SVIL: variants seen among roughly 807,000 people sequenced by gnomAD.
The protein encoded by SVIL is supervillin.
In SVIL, 101 loss-of-function variants were observed where a neutral mutation model predicts 240.4. The ratio of observed to expected loss-of-function variants is 0.42; its 90% CI spans 0.36 to 0.50. The LOEUF (loss-of-function observed/expected upper bound fraction) is 0.50. Among genes scored for constraint, SVIL ranks in the 20% least tolerant of loss-of-function variants. The pLI, the probability that SVIL is intolerant of heterozygous loss-of-function variation, is 0.01. For synonymous variants in SVIL, 999 were observed against 1,100.0 expected, an observed-to-expected ratio of 0.91 and a Z score of 1.82; for missense variants, 2,512 against 2,818.7, an observed-to-expected ratio of 0.89 and a Z score of 2.46.
At chr10:29,509,628 C>T (rs1476719922) in intron 17 of SVIL, among the ~76,000 whole-genome samples, 1 of 152,054 alleles carries the variant, frequency 6.6e-6, no homozygotes, top group Non-Finnish European at 1.5e-5. Flanking sequence ...GCAGGTGGAT[C>T]ACCTGAGGTT....
In SVIL at chr10:29,679,559, C is replaced by CT. The variant is rs369701914; in HGVS notation, c.-301+6993dup. Among the ~76,000 whole-genome samples the CT allele has an allele frequency of 1.0e-3, 147 of 140,790 alleles. 1 individual carries two copies. The highest frequency in any genetic ancestry group is 1.3e-3 in the South Asian group (6 of 4,518). 92.4% of individuals were successfully genotyped at this position (140,790 alleles called of 152,430 possible). On this transcript the variant is annotated intron_variant, in intron 2 of 35. Transcript: ENST00000375400. ...CCACTTTTTTTTCTTTTTTCTTTTC[C>CT]TTTTTTTTTTTTGAGATGGGGGTCC...
At chr10:29,534,628 A>G (rs1397213149) in intron 7 of SVIL, among the ~76,000 whole-genome samples, 1 of 152,212 alleles carries the variant, frequency 6.6e-6, no homozygotes, top group African/African-American at 2.4e-5. Context: ...TTACTGCAAA[A>G]CAAAGAAACC....
chr10:29,557,356 C>T (rs1426675806), intron 3 of SVIL, among the ~76,000 whole-genome samples: 1 of 152,074 alleles, frequency 6.6e-6, no homozygotes, highest in East Asian at 1.9e-4. Context: ...CCTTGGCCTC[C>T]CAAAGTGCTG....
chr10:29,619,955 A>G (rs773798454), intron 1 of SVIL, among the ~76,000 whole-genome samples: 4 of 152,220 alleles, frequency 2.6e-5, no homozygotes, highest in Non-Finnish European at 5.9e-5. Context: ...CACAAAGATA[A>G]CAGAGAAGAA....
intron 16 of SVIL, among the ~76,000 whole-genome samples, chr10:29,517,175 G>T (rs1298577135): frequency 6.6e-6 from 1 of 152,128 alleles, no homozygotes; most frequent in Non-Finnish European, 1.5e-5. Context: ...ACTTTGGAAG[G>T]CTGAGGTGGG....
chr10:29,553,516 G>A (rs1028504230), intron 5 of SVIL, among the ~76,000 whole-genome samples: 2 of 152,132 alleles, frequency 1.3e-5, no homozygotes, highest in Non-Finnish European at 2.9e-5. Context: ...GGGAGGTGGA[G>A]GCTGCAGTGA....
At chr10:29,710,283 G>A (rs1020647809) in intron 1 of SVIL, among the ~76,000 whole-genome samples, 2 of 152,098 alleles carry the variant, frequency 1.3e-5, no homozygotes, top group African/African-American at 2.4e-5. Flanking sequence ...CAAACACCTG[G>A]GCTCAATTGA....
chr10:29,529,341 T>C (rs1382413045), intron 12 of SVIL, among the ~76,000 whole-genome samples: 1 of 151,768 alleles, frequency 6.6e-6, no homozygotes, highest in Non-Finnish European at 1.5e-5. Context: ...AAAGGGGAAA[T>C]GAATGGCACA....
intron 1 of SVIL, among the ~76,000 whole-genome samples, chr10:29,612,674 G>T (rs892189953): frequency 9.9e-5 from 15 of 152,160 alleles, no homozygotes; most frequent in Admixed American, 8.5e-4. Flanking sequence ...TTTTCTAAGA[G>T]ATTTATGTTA....
chr10:29,731,483 T>C (rs1220216548), intron 1 of SVIL, among the ~76,000 whole-genome samples: 1 of 152,236 alleles, frequency 6.6e-6, no homozygotes, highest in East Asian at 1.9e-4. Context: ...TTTTATGCAT[T>C]TCATGCAATA....
At chr10:29,700,380 A>G (rs1461314590) in intron 1 of SVIL, among the ~76,000 whole-genome samples, 1 of 152,078 alleles carries the variant, frequency 6.6e-6, no homozygotes, top group Non-Finnish European at 1.5e-5. Flanking sequence ...TACAGCCTGA[A>G]AATGTCACAC....
chr10:29,697,048 C>G (rs1277256578), intron 1 of SVIL, among the ~76,000 whole-genome samples: 13 of 121,592 alleles, frequency 1.1e-4, no homozygotes, highest in South Asian at 5.6e-4. Flanking sequence ...CCAGCCGCCC[C>G]GTCCGGGAGG....
chr10:29,623,509 A>T (rs1380977964), intron 1 of SVIL, among the ~76,000 whole-genome samples: 1 of 152,246 alleles, frequency 6.6e-6, no homozygotes, highest in Non-Finnish European at 1.5e-5. Flanking sequence ...GCTGGGTGTT[A>T]TCTGGAGCCA....
At position 29,473,990 on chromosome 10, in the gene SVIL, C is replaced by A; in HGVS notation, c.5378-1G>T. ...TGCTCTCCCTTCTGGCGACTTCCCACTGCAAACACAGAATGGCAGAGGGAC... is the reference window on the plus strand; with the variant it reads ...TGCTCTCCCTTCTGGCGACTTCCCAATGCAAACACAGAATGGCAGAGGGAC... On this transcript the variant is annotated splice_acceptor_variant, in intron 29 of 37. Coordinates refer to ENST00000355867, the MANE Select transcript of SVIL (RefSeq NM_021738.3). LOFTEE classifies it high-confidence loss of function. 6.2e-7 allele frequency: 1 copy of A among 1,612,986 alleles called. No individual in the cohort carries two copies. Among genetic ancestry groups the A allele is most frequent in the South Asian group, 1.1e-5 (1 of 91,036 alleles).
intron 5 of SVIL, among the ~76,000 whole-genome samples, chr10:29,552,763 A>G (rs1953496313): frequency 6.6e-6 from 1 of 151,984 alleles, no homozygotes; most frequent in Non-Finnish European, 1.5e-5. Context: ...ACTGGAACTA[A>G]TTTTGGAGTT....
At chr10:29,706,193 T>C (rs984418986) in intron 1 of SVIL, among the ~76,000 whole-genome samples, 2 of 152,210 alleles carry the variant, frequency 1.3e-5, no homozygotes, top group African/African-American at 2.4e-5. Flanking sequence ...GATTGCTGGG[T>C]CAAATGGTAT....
At chr10:29,714,184 A>G (rs950851075) in intron 1 of SVIL, among the ~76,000 whole-genome samples, 2 of 152,234 alleles carry the variant, frequency 1.3e-5, no homozygotes, top group African/African-American at 4.8e-5. Flanking sequence ...TGTTGCTGCC[A>G]TTTCAGAGGG....
chr10:29,589,804 A>G (rs1004698204), intron 1 of SVIL, among the ~76,000 whole-genome samples: 1 of 152,184 alleles, frequency 6.6e-6, no homozygotes, highest in Admixed American at 6.5e-5. Flanking sequence ...AGATAGTAAT[A>G]AAAGAATACA....
At chr10:29,496,704 T>A (rs1948474550) in intron 18 of SVIL, among the ~76,000 whole-genome samples, 1 of 152,234 alleles carries the variant, frequency 6.6e-6, no homozygotes, top group Non-Finnish European at 1.5e-5. Context: ...CATAGCTCTT[T>A]TCAATGAATT....
Sources: gnomAD v4.1 joint callset for allele counts (sites outside exome capture counted in the v4.1 genomes callset) on GRCh38, gnomAD v4.1.1 for gene constraint, MANE v1.5 for transcripts, NCBI Gene and HGNC (gene_info 2026-07-23, HGNC 2026-07-21) for gene names.